The following WDR26 variants were observed in gnomAD, a reference collection of about 807,000 sequenced individuals.
WDR26 encodes WD repeat-containing protein 26.
Under a neutral mutation model 84.1 loss-of-function variants are expected in WDR26, and 5 were observed. That is an observed-to-expected ratio of 0.06 (90% confidence interval 0.03 to 0.13). WDR26 has a LOEUF of 0.13. WDR26 is among the 10% of genes least tolerant of loss of function. WDR26 has a pLI of 1.00. For synonymous variants in WDR26, 415 were observed against 389.6 expected (o/e 1.07, Z -0.77); for missense variants, 642 against 974.9 (o/e 0.66, Z 4.55).
chr1:224,404,615 T>C lies in WDR26; in HGVS notation c.1459-45A>G. 1.3e-6 allele frequency: 2 copies of C among 1,564,116 alleles called. 1 individual carries two copies. Among genetic ancestry groups the C allele is most frequent in the South Asian group, 2.4e-5 (2 of 84,152 alleles). ...ATTCAGTTAACCCCTATCACTAAAG[T>C]CATTGTTTCCCAATGTAAGAACTTA... On this transcript the variant is annotated intron_variant, in intron 7 of 13. Transcript: ENST00000414423.
chr1:224,417,041 G>A (rs1673925260), intron 6 of WDR26, among the ~76,000 whole-genome samples: 1 of 152,106 alleles, frequency 6.6e-6, no homozygotes, highest in South Asian at 2.1e-4. Flanking sequence ...ATAAAGTAAG[G>A]CCAATATCTC....
At chr1:224,409,254 A>C (rs758836373) in intron 7 of WDR26, among the ~76,000 whole-genome samples, 2 of 152,230 alleles carry the variant, frequency 1.3e-5, no homozygotes, top group African/African-American at 2.4e-5. Flanking sequence ...TATTTAATGC[A>C]TTAATAAAGC....
At chr1:224,417,898 A>G (rs770714470) in intron 6 of WDR26, among the ~76,000 whole-genome samples, 1 of 152,214 alleles carries the variant, frequency 6.6e-6, no homozygotes, top group Non-Finnish European at 1.5e-5. Flanking sequence ...TGTTCTAGCC[A>G]TTTTTAGAGC....
At chr1:224,422,685 G>T (rs1373936841) in intron 4 of WDR26, among the ~76,000 whole-genome samples, 3 of 149,848 alleles carry the variant, frequency 2.0e-5, no homozygotes, top group Non-Finnish European at 4.4e-5. Flanking sequence ...TTGCACCCCA[G>T]CCTGGGTGAC....
Position 224,419,258 on chromosome 1 carries a change from C to A in WDR26, c.1162+260G>T, listed in dbSNP as rs1453480319. 5.9e-5 allele frequency among the ~76,000 whole-genome samples: 9 copies of A among 152,128 alleles called. No homozygotes were observed. In the South Asian group the frequency reaches 8.3e-4, roughly 14 times the overall value. On this transcript the variant is annotated intron_variant, in intron 5 of 13. Transcript: ENST00000414423. ...TTTTTTCTCTTAACACAGTACTTTT[C>A]CCCCAAACAAAATCTTAAGGGGGAA...
chr1:224,422,975 T>C (rs1431625050), intron 4 of WDR26, among the ~76,000 whole-genome samples: 6 of 152,206 alleles, frequency 3.9e-5, no homozygotes, highest in Admixed American at 2.0e-4. Context: ...CACAGGTCTG[T>C]AGAGGTTAAA....
intron 1 of WDR26, 116 bp from the exon 2 acceptor site, chr1:224,431,897 G>C: frequency 8.3e-6 from 6 of 723,164 alleles, no homozygotes; most frequent in Non-Finnish European, 1.2e-5. Context: ...TCATGATGAA[G>C]AAAAAAATAG....
intron 7 of WDR26, 110 bp downstream of exon 7, chr1:224,411,317 T>C (rs1673729997): frequency 8.4e-7 from 1 of 1,184,532 alleles, no homozygotes; most frequent in Non-Finnish European, 1.1e-6. Flanking sequence ...TAAAAAATGC[T>C]CTTAGAAAAG....
chr1:224,420,535 G>A (rs560702971), intron 4 of WDR26, among the ~76,000 whole-genome samples: 12 of 152,170 alleles, frequency 7.9e-5, no homozygotes, highest in African/African-American at 1.4e-4. Flanking sequence ...CTTAGTCTAC[G>A]ACCTGCTATA....
intron 7 of WDR26, 30 bp from the exon 8 acceptor site, chr1:224,404,600 C>T: frequency 6.3e-7 from 1 of 1,589,162 alleles, no homozygotes; most frequent in South Asian, 1.1e-5. Flanking sequence ...ATTCAGTTAA[C>T]CCCTATCACT....
At chr1:224,397,659 C>A (rs1310880795) in intron 12 of WDR26, 1 of 153,952 alleles carries the variant, frequency 6.5e-6, no homozygotes, top group East Asian at 1.9e-4. Flanking sequence ...TAACTATAGT[C>A]AAATCTGTCC....
At chr1:224,427,103 CCAA>C (rs1481465974) in intron 3 of WDR26, among the ~76,000 whole-genome samples, 8 of 91,168 alleles carry the variant, frequency 8.8e-5, no homozygotes, top group Middle Eastern at 6.7e-3. Context: ...AACTCTGTCT[CCAA>C]AAAAAAAAAA....
intron 7 of WDR26, among the ~76,000 whole-genome samples, chr1:224,407,291 GTGGAAATAACATGTT>G (rs147035763): frequency 0.16 from 23,954 of 145,852 alleles, 2,199 homozygotes; most frequent in Middle Eastern, 0.23. Context: ...TTTATTCAAA[GTGGAAATAACATGTT>G]TGTGGAGCCT....
chr1:224,399,756 A>C (rs1024104022), intron 9 of WDR26, among the ~76,000 whole-genome samples: 2 of 152,220 alleles, frequency 1.3e-5, no homozygotes, highest in South Asian at 4.1e-4. Flanking sequence ...TTAATAAAAG[A>C]AACTGATAAC....
rs1673000893 is a variant in WDR26, at chr1:224,386,727, C to A, written c.*3108G>T. On this transcript the variant is annotated 3_prime_UTR_variant, in exon 14 of 14. Coordinates refer to ENST00000414423, the MANE Select transcript of WDR26 (RefSeq NM_001379403.1). ...AAAGTTAGGGAATCCCTTTTTTATC[C>A]CCCCACCCAATAAAATGGGCCAATT... 6.6e-6 allele frequency: 1 copy of A among 151,762 alleles called. No homozygotes were observed. Among genetic ancestry groups the A allele is most frequent in the South Asian group, 2.1e-4 (1 of 4,812 alleles). 9.4% of individuals were successfully genotyped at this position (151,762 alleles called of 1,614,324 possible). A position where few individuals can be genotyped will look rare whatever the true frequency, so the allele number is the denominator to read the frequency against.
intron 13 of WDR26, among the ~76,000 whole-genome samples, chr1:224,391,671 C>T (rs1044307143): frequency 1.1e-4 from 16 of 152,072 alleles, no homozygotes; most frequent in African/African-American, 3.6e-4. Context: ...GGATTACAGG[C>T]GCAAGCCATC....
intron 7 of WDR26, among the ~76,000 whole-genome samples, chr1:224,408,409 C>T (rs1673641261): frequency 6.6e-6 from 1 of 152,196 alleles, no homozygotes; most frequent in Admixed American, 6.5e-5. Flanking sequence ...TGGCACACAA[C>T]AGGTGTTTAA....
intron 13 of WDR26, among the ~76,000 whole-genome samples, chr1:224,391,489 T>C (rs115836139): frequency 0.046 from 6,950 of 152,320 alleles, 218 homozygotes; most frequent in Middle Eastern, 0.12. Context: ...TGTATTTTTA[T>C]TTAAATGACT....
rs1673071609 is a variant in WDR26, at chr1:224,389,689, G to T, written c.*146C>A. The T allele has an allele frequency of 1.3e-6, 1 of 797,234 alleles. No individual in the cohort carries two copies. The highest frequency in any genetic ancestry group is 2.1e-6 in the Non-Finnish European group (1 of 474,808). 49.4% of individuals were successfully genotyped at this position (797,234 alleles called of 1,614,324 possible). On this transcript the variant is annotated 3_prime_UTR_variant, in exon 14 of 14. Coordinates refer to ENST00000414423, the MANE Select transcript of WDR26 (RefSeq NM_001379403.1). ...CTATGAAGCAAGGTGTAAATGTTTG[G>T]CCCCAATCGGGCTTCAGAAATGGTT...
Sources: allele counts gnomAD v4.1 joint callset (sites outside exome capture counted in the v4.1 genomes callset), GRCh38; gene constraint gnomAD v4.1.1; transcripts MANE v1.5; gene names NCBI Gene and HGNC (gene_info 2026-07-23, HGNC 2026-07-21).